GABRB3: variants seen among roughly 807,000 people sequenced by gnomAD.
GABRB3 encodes the protein gamma-aminobutyric acid receptor subunit beta-3.
In GABRB3, 14 loss-of-function variants were observed where a neutral mutation model predicts 52.1. The observed-to-expected ratio is 0.27, with a 90% CI of 0.18 to 0.42. The LOEUF is 0.42. GABRB3 is among the 10% of genes least tolerant of loss of function. The pLI, the probability that GABRB3 is intolerant of heterozygous loss-of-function variation, is 1.00. For missense variants in GABRB3, 307 were observed against 609.1 expected (o/e 0.50, Z 5.22); for synonymous variants, 260 against 232.3 (o/e 1.12, Z -1.08).
intron 3 of GABRB3, among the ~76,000 whole-genome samples, chr15:26,678,495 C>G (rs893354570): frequency 6.6e-6 from 1 of 150,398 alleles, no homozygotes; most frequent in Non-Finnish European, 1.5e-5. Context: ...TGAGAAAGCA[C>G]GAGAAAGAAA....
chr15:26,675,328 C>T (rs1011177267), intron 3 of GABRB3, among the ~76,000 whole-genome samples: 1 of 152,222 alleles, frequency 6.6e-6, no homozygotes, highest in Admixed American at 6.5e-5. Context: ...CCACCACCTT[C>T]TGTTCATTTC....
chr15:26,733,924 A>T (rs1358041630), intron 3 of GABRB3, among the ~76,000 whole-genome samples: 1 of 152,122 alleles, frequency 6.6e-6, no homozygotes, highest in Non-Finnish European at 1.5e-5. Flanking sequence ...CCAGATATCC[A>T]CATGCAAAAG....
At chr15:26,595,102 C>T (rs555101601) in intron 4 of GABRB3, among the ~76,000 whole-genome samples, 1 of 152,340 alleles carries the variant, frequency 6.6e-6, no homozygotes, top group South Asian at 2.1e-4. Flanking sequence ...ATCCCAGCTT[C>T]TCTTTTGAGC....
intron 6 of GABRB3, among the ~76,000 whole-genome samples, chr15:26,571,919 G>T (rs1434489553): frequency 1.3e-5 from 2 of 151,908 alleles, no homozygotes; most frequent in Non-Finnish European, 2.9e-5. Flanking sequence ...GTGGTGGCGG[G>T]TGCCTATAAT....
rs754289832 is a variant in GABRB3, at chr15:26,772,733, C to G, written c.120G>C (p.Thr40=). 4 of 1,574,336 alleles carry G rather than the reference C, an allele frequency of 2.5e-6. No individual in the cohort carries two copies. The highest frequency in any genetic ancestry group is 2.6e-6 in the Non-Finnish European group (3 of 1,159,832). The change falls in exon 2 of 9, where the codon ACG becomes ACC. Residue 40 remains threonine (T), a synonymous_variant. Coordinates refer to ENST00000311550, the MANE Select transcript of GABRB3 (RefSeq NM_000814.6). The part of the protein sequence containing the change: ...DPGNMSFVKE[T]VDKLLKGYDI... Reference sequence around the variant, plus strand: ...CGTAGCCTTTCAACAGCTTGTCCACCGTCTCCTTCACAAAGGACATGTTCC... The same window carrying G: ...CGTAGCCTTTCAACAGCTTGTCCACGGTCTCCTTCACAAAGGACATGTTCC...
At chr15:26,647,173 C>CG (rs1187564279) in intron 3 of GABRB3, among the ~76,000 whole-genome samples, 1 of 152,206 alleles carries the variant, frequency 6.6e-6, no homozygotes. Context: ...AATATCTATT[C>CG]AGATTCTTTG....
chr15:26,675,782 G>A (rs1888049407), intron 3 of GABRB3, among the ~76,000 whole-genome samples: 1 of 152,132 alleles, frequency 6.6e-6, no homozygotes, highest in East Asian at 1.9e-4. Context: ...ACCTAACTTT[G>A]TTTTTGCTAA....
At chr15:26,692,390 A>G (rs918281458) in intron 3 of GABRB3, among the ~76,000 whole-genome samples, 4 of 152,192 alleles carry the variant, frequency 2.6e-5, no homozygotes, top group African/African-American at 9.6e-5. Context: ...CTTTTCAGAT[A>G]CAAAAGTTCC....
intron 3 of GABRB3, among the ~76,000 whole-genome samples, chr15:26,758,136 G>A (rs1890713310): frequency 6.6e-6 from 1 of 150,722 alleles, no homozygotes; most frequent in South Asian, 2.1e-4. Context: ...TCACGCTTTT[G>A]TGATAATACA....
intron 4 of GABRB3, among the ~76,000 whole-genome samples, chr15:26,589,096 T>C (rs1429354034): frequency 6.6e-6 from 1 of 152,232 alleles, no homozygotes; most frequent in African/African-American, 2.4e-5. Context: ...GATGTCAGTG[T>C]GTTGAAGGGT....
At chr15:26,762,991 C>A (rs867904163) in intron 3 of GABRB3, among the ~76,000 whole-genome samples, 6 of 152,318 alleles carry the variant, frequency 3.9e-5, no homozygotes, top group Middle Eastern at 3.4e-3. Context: ...TGCTTAAGAG[C>A]CTCAACAAAG....
At chr15:26,718,841 C>A (rs1262422062) in intron 3 of GABRB3, among the ~76,000 whole-genome samples, 1 of 151,690 alleles carries the variant, frequency 6.6e-6, no homozygotes, top group Non-Finnish European at 1.5e-5. Flanking sequence ...AAGTGTGGCC[C>A]TCTTGGGCTC....
chr15:26,722,047 A>G (rs1014335174), intron 3 of GABRB3, among the ~76,000 whole-genome samples: 1 of 151,912 alleles, frequency 6.6e-6, no homozygotes, highest in Non-Finnish European at 1.5e-5. Flanking sequence ...AATGCAATCC[A>G]TTTTTTTTAA....
chr15:26,564,008 C>T (rs897580386), intron 7 of GABRB3, among the ~76,000 whole-genome samples: 3 of 152,118 alleles, frequency 2.0e-5, no homozygotes, highest in African/African-American at 7.2e-5. Context: ...TATCAGTATA[C>T]GTTTTTACCT....
intron 8 of GABRB3, among the ~76,000 whole-genome samples, chr15:26,554,234 G>T (rs1889670005): frequency 1.1e-5 from 1 of 93,050 alleles, no homozygotes; most frequent in African/African-American, 3.6e-5. Context: ...TCTCTTTGTT[G>T]CCTAGGCTGA....
At chr15:26,608,886 T>C (rs1000293152) in intron 4 of GABRB3, among the ~76,000 whole-genome samples, 9 of 152,082 alleles carry the variant, frequency 5.9e-5, no homozygotes, top group African/African-American at 1.7e-4. Context: ...GAAAACATTA[T>C]GGAAAACTCA....
intron 3 of GABRB3, among the ~76,000 whole-genome samples, chr15:26,706,008 C>A (rs1889088387): frequency 6.6e-6 from 1 of 152,106 alleles, no homozygotes; most frequent in South Asian, 2.1e-4. Context: ...TGCAATATAC[C>A]CTTGTAACAA....
chr15:26,677,694 G>A (rs1888112764), intron 3 of GABRB3, among the ~76,000 whole-genome samples: 1 of 152,164 alleles, frequency 6.6e-6, no homozygotes, highest in Non-Finnish European at 1.5e-5. Flanking sequence ...TGGAGGATCA[G>A]ATTATTTTTT....
intron 8 of GABRB3, among the ~76,000 whole-genome samples, chr15:26,559,267 C>A (rs551344375): frequency 1.3e-5 from 2 of 152,266 alleles, no homozygotes; most frequent in African/African-American, 4.8e-5. Flanking sequence ...GGCATCTTCC[C>A]CTCCTCCTTG....
Sources: gnomAD v4.1 joint callset for allele counts (sites outside exome capture counted in the v4.1 genomes callset) on GRCh38, gnomAD v4.1.1 for gene constraint, MANE v1.5 for transcripts, NCBI Gene and HGNC (gene_info 2026-07-23, HGNC 2026-07-21) for gene names.